ASZ1: variants seen among roughly 807,000 people sequenced by gnomAD.
ASZ1 encodes the protein ankyrin repeat, SAM and basic leucine zipper domain-containing protein 1.
ASZ1 carries 67 observed loss-of-function variants against 61.8 expected under a neutral mutation model. The observed-to-expected ratio is 1.08, with a 90% CI of 0.89 to 1.33. The LOEUF is 1.33. Among genes scored for constraint, ASZ1 ranks in the 40% most tolerant of loss-of-function variants. The probability of loss-of-function intolerance (pLI) is 0.00; values close to 1 mark genes in which losing one functional copy is unlikely to be tolerated. For synonymous variants in ASZ1, 193 were observed against 192.7 expected, an observed-to-expected ratio of 1.00 and a Z score of -0.01; for missense variants, 577 against 554.5, an observed-to-expected ratio of 1.04 and a Z score of -0.41.
chr7:117,421,116 C>G (rs956437427), intron 3 of ASZ1, among the ~76,000 whole-genome samples: 2 of 152,292 alleles, frequency 1.3e-5, no homozygotes, highest in Admixed American at 1.3e-4. Flanking sequence ...CCTCTGATTA[C>G]AAGGAGGGGG....
intron 10 of ASZ1, among the ~76,000 whole-genome samples, chr7:117,376,076 A>T (rs78591139): frequency 0.023 from 3,479 of 152,182 alleles, 127 homozygotes; most frequent in African/African-American, 0.08. Context: ...ACTAACAGAG[A>T]TAAAAAGAGA....
intron 10 of ASZ1, among the ~76,000 whole-genome samples, chr7:117,377,515 G>A (rs925695216): frequency 3.9e-5 from 6 of 152,008 alleles, no homozygotes; most frequent in African/African-American, 7.2e-5. Flanking sequence ...GTGACAGGGC[G>A]AGACCTGGTC....
intron 10 of ASZ1, among the ~76,000 whole-genome samples, chr7:117,368,937 A>G (rs1795996398): frequency 6.6e-6 from 1 of 152,180 alleles, no homozygotes; most frequent in Non-Finnish European, 1.5e-5. Flanking sequence ...AGATGCAGAT[A>G]TACAATTACA....
chr7:117,380,977 C>A, intron 9 of ASZ1, 34 bp downstream of exon 9: 1 of 1,513,708 alleles, frequency 6.6e-7, no homozygotes. Context: ...AAACATCAAA[C>A]AATGTATCGG....
chr7:117,367,627 A>C (rs1795968523), intron 11 of ASZ1, 162 bp from the exon 12 acceptor site: 1 of 1,142,734 alleles, frequency 8.8e-7, no homozygotes, highest in Admixed American at 4.3e-5. Flanking sequence ...TAATTTTATA[A>C]AAATATAATC....
chr7:117,381,087 G>A lies in ASZ1; in HGVS notation c.889-20C>T. 3 of 1,531,864 alleles carry A rather than the reference G, an allele frequency of 2.0e-6. No individual in the cohort carries two copies. The highest frequency in any genetic ancestry group is 2.4e-5 in the South Asian group (2 of 81,824). 94.9% of individuals were successfully genotyped at this position (1,531,864 alleles called of 1,614,324 possible). Reference sequence around the variant, plus strand: ...CCTTTCCTGTATAAAAGGAAAAAAAGGCCACCTTTCCATATAATTAAAATA... The same window carrying A: ...CCTTTCCTGTATAAAAGGAAAAAAAAGCCACCTTTCCATATAATTAAAATA... On this transcript the variant is annotated intron_variant, in intron 8 of 12. Coordinates refer to ENST00000284629, the MANE Select transcript of ASZ1 (RefSeq NM_130768.3).
intron 7 of ASZ1, among the ~76,000 whole-genome samples, chr7:117,382,687 G>A (rs1169770543): frequency 6.6e-6 from 1 of 151,974 alleles, no homozygotes; most frequent in Non-Finnish European, 1.5e-5. Context: ...AAAATAATTA[G>A]AAAACAAGGT....
intron 4 of ASZ1, among the ~76,000 whole-genome samples, chr7:117,402,432 T>C (rs2116503365): frequency 6.6e-6 from 1 of 152,292 alleles, no homozygotes; most frequent in East Asian, 1.9e-4. Context: ...AGCATTGAGT[T>C]GTTGCTCCAT....
chr7:117,401,064 G>A (rs935767073), intron 4 of ASZ1, among the ~76,000 whole-genome samples: 5 of 152,072 alleles, frequency 3.3e-5, no homozygotes, highest in South Asian at 4.1e-4. Context: ...TAATGAAATC[G>A]AAAAGCTAAT....
chr7:117,400,645 A>T (rs890303490), intron 4 of ASZ1, among the ~76,000 whole-genome samples: 2 of 152,202 alleles, frequency 1.3e-5, no homozygotes, highest in African/African-American at 2.4e-5. Context: ...CCCTGCAGAG[A>T]AGTGATCTTC....
At chr7:117,416,902 G>A (rs2116529228) in intron 4 of ASZ1, among the ~76,000 whole-genome samples, 1 of 152,288 alleles carries the variant, frequency 6.6e-6, no homozygotes, top group Non-Finnish European at 1.5e-5. Flanking sequence ...CACTTGTAGT[G>A]TAGTGCAAAC....
At chr7:117,396,100 C>T (rs1468194682) in intron 4 of ASZ1, among the ~76,000 whole-genome samples, 1 of 152,148 alleles carries the variant, frequency 6.6e-6, no homozygotes, top group Non-Finnish European at 1.5e-5. Flanking sequence ...ACTCTCACTG[C>T]CTCAGTTTCT....
intron 2 of ASZ1, among the ~76,000 whole-genome samples, chr7:117,425,692 G>A (rs979833949): frequency 2.6e-5 from 4 of 151,572 alleles, no homozygotes; most frequent in Non-Finnish European, 4.4e-5. Context: ...TTTACATAAA[G>A]AAACTGATGC....
intron 4 of ASZ1, among the ~76,000 whole-genome samples, chr7:117,397,402 G>A (rs1226924146): frequency 6.6e-6 from 1 of 152,068 alleles, no homozygotes; most frequent in Admixed American, 6.6e-5. Flanking sequence ...ACAAAAATGC[G>A]CAAGACTAAT....
Position 117,385,773 on chromosome 7 carries a change from A to G in ASZ1, c.477T>C (p.Asp159=). ...GGAGAGCAACAACCTGGGTGTGACC[A>G]TCTCGAGCAGCATACATGATTGGGG... The part of the protein sequence containing the change: ...LMTPIMYAAR[D]GHTQVVALLV... The change falls in exon 5 of 13, where the codon GAT becomes GAC. Residue 159 remains aspartate (D), a synonymous_variant. Transcript: ENST00000284629. 1 of 1,613,634 alleles carries G rather than the reference A, an allele frequency of 6.2e-7. No homozygotes were observed. The highest frequency in any genetic ancestry group is 1.1e-5 in the South Asian group (1 of 91,068).
At chr7:117,375,278 C>A (rs1295375594) in intron 10 of ASZ1, among the ~76,000 whole-genome samples, 1 of 151,976 alleles carries the variant, frequency 6.6e-6, no homozygotes, top group African/African-American at 2.4e-5. Context: ...GCAAAAATCT[C>A]TAGAAGTAGG....
intron 4 of ASZ1, among the ~76,000 whole-genome samples, chr7:117,416,986 A>G (rs1038093896): frequency 3.3e-5 from 5 of 152,176 alleles, no homozygotes; most frequent in African/African-American, 1.2e-4. Context: ...TCCTGCTCCT[A>G]GTACGAATCA....
intron 4 of ASZ1, among the ~76,000 whole-genome samples, chr7:117,410,910 T>G (rs1469900933): frequency 6.6e-6 from 1 of 151,712 alleles, no homozygotes; most frequent in Non-Finnish European, 1.5e-5. Context: ...AGTGTATAAT[T>G]TATTATACAC....
intron 4 of ASZ1, among the ~76,000 whole-genome samples, chr7:117,402,364 T>G (rs1410484768): frequency 1.3e-5 from 2 of 152,114 alleles, no homozygotes; most frequent in Non-Finnish European, 2.9e-5. Flanking sequence ...GGATACTGAG[T>G]GCATACCAGC....
Sources: gnomAD v4.1 joint callset for allele counts (sites outside exome capture counted in the v4.1 genomes callset) on GRCh38, gnomAD v4.1.1 for gene constraint, MANE v1.5 for transcripts, NCBI Gene and HGNC (gene_info 2026-07-23, HGNC 2026-07-21) for gene names.